The following FPGS variants were observed in gnomAD, a reference collection of about 807,000 sequenced individuals.
FPGS encodes folylpolyglutamate synthase.
FPGS carries 53 observed loss-of-function variants against 66.5 expected under a neutral mutation model. The observed-to-expected ratio is 0.80, with a 90% CI of 0.64 to 1.00. The LOEUF (loss-of-function observed/expected upper bound fraction) is 1.00, where lower values mean the gene tolerates loss of function less well. FPGS is among the 50% of genes least tolerant of loss of function. FPGS has a pLI of 0.00. For synonymous variants in FPGS, 348 were observed against 350.9 expected (o/e 0.99, Z 0.09); for missense variants, 702 against 807.7 (o/e 0.87, Z 1.59).
intron 4 of FPGS, 38 bp from the exon 5 acceptor site, chr9:127,806,935 C>G (rs772592487): frequency 1.3e-6 from 2 of 1,522,300 alleles, no homozygotes; most frequent in Non-Finnish European, 1.8e-6. Context: ...CCAGGACGCT[C>G]GGGAAGGGAG....
chr9:127,809,795 G>T lies in FPGS; in HGVS notation c.1172G>T (p.Trp391Leu). ...TASSAQACVR[W>L]FRQALQGRER... ...AGCAGCGCGCAGGCCTGCGTGCGCT[G>T]GTTCCGCCAGGCGCTGCAGGGCCGC... Residue 391 changes from tryptophan (W) to leucine (L), a missense_variant, in exon 12 of 15, where the codon TGG (tryptophan) becomes TTG (leucine). Transcript: ENST00000373247. 1 of 1,525,560 alleles carries T rather than the reference G, an allele frequency of 6.6e-7. No individual in the cohort carries two copies. The highest frequency in any genetic ancestry group is 8.7e-7 in the Non-Finnish European group (1 of 1,149,196). The allele number at this position is 1,525,560 out of a possible 1,614,324, so 94.5% of individuals were successfully genotyped here.
At chr9:127,809,351 C>T (rs1829962831) in intron 11 of FPGS, among the ~76,000 whole-genome samples, 1 of 152,150 alleles carries the variant, frequency 6.6e-6, no homozygotes, top group South Asian at 2.1e-4. Context: ...AAATGGTGGG[C>T]CCGCTGTGTG....
rs1829749080 is a variant in FPGS at position 127,804,887 on chromosome 9, T to G, written c.386+187T>G. 4 of 603,172 alleles carry G rather than the reference T, an allele frequency of 6.6e-6. No homozygotes were observed. In the South Asian group the frequency reaches 8.0e-5, roughly 12 times the overall value. The allele number at this position is 603,172 out of a possible 1,614,324, so 37.4% of individuals were successfully genotyped here. A position where few individuals can be genotyped will look rare whatever the true frequency, so the allele number is the denominator to read the frequency against. Reference sequence around the variant, plus strand: ...TATTGGCCCATGTTTATGGCAACCTTTAATTTTTTTTTTTTTTTTGAGACT... The same window carrying G: ...TATTGGCCCATGTTTATGGCAACCTGTAATTTTTTTTTTTTTTTTGAGACT... On this transcript the variant is annotated intron_variant, in intron 4 of 14. Transcript: ENST00000373247.
At chr9:127,804,470 G>A in intron 2 of FPGS, 29 bp from the exon 3 acceptor site, 2 of 1,613,974 alleles carry the variant, frequency 1.2e-6, no homozygotes, top group Non-Finnish European at 1.7e-6. Context: ...TCCCGTAGCT[G>A]AGGCAGGGAC....
chr9:127,803,207 C>G, intron 1 of FPGS, 145 bp downstream of exon 1: 3 of 1,116,654 alleles, frequency 2.7e-6, no homozygotes, highest in Non-Finnish European at 2.2e-6. Flanking sequence ...ATCCTGGAGG[C>G]TGGGGGTGGG....
rs1465179418 is a variant in FPGS, at chr9:127,803,059, C to G, written c.135C>G (p.Tyr45Ter). 7.1e-7 allele frequency: 1 copy of G among 1,410,042 alleles called. No individual in the cohort carries two copies. The highest frequency in any genetic ancestry group is 9.2e-7 in the Non-Finnish European group (1 of 1,088,804). 87.3% of individuals were successfully genotyped at this position (1,410,042 alleles called of 1,614,324 possible). A position where few individuals can be genotyped will look rare whatever the true frequency, so the allele number is the denominator to read the frequency against. The change falls in exon 1 of 15, where the codon TAC becomes TAG. Residue 45 changes from tyrosine (Y) to a stop codon, truncating the protein, a stop_gained. Transcript: ENST00000373247. LOFTEE classifies it high-confidence loss of function. ...TGCCGCAGGAGCCGAGCATGGAGTACCAGGTATCAGGCGGGCCAGCGGGCC... is the reference window on the plus strand; with the variant it reads ...TGCCGCAGGAGCCGAGCATGGAGTAGCAGGTATCAGGCGGGCCAGCGGGCC... ...WPVPQEPSME[Y>*]QDAVRMLNTL...
intron 11 of FPGS, among the ~76,000 whole-genome samples, chr9:127,809,332 C>A (rs1829962318): frequency 6.6e-6 from 1 of 152,160 alleles, no homozygotes; most frequent in Admixed American, 6.5e-5. Flanking sequence ...GCTGTTAAGC[C>A]CCTTCAGCAA....
chr9:127,809,903 GGGGCGGGGTCGTGGGGAA>G, intron 12 of FPGS, 69 bp downstream of exon 12: 1 of 1,010,816 alleles, frequency 9.9e-7, no homozygotes, highest in South Asian at 1.4e-5. Context: ...GGGGAAGGGC[GGGGCGGGGTCGTGGGGAA>G]GGGCGGGGGC....
At chr9:127,809,637 C>CG in intron 11 of FPGS, 47 bp from the exon 12 acceptor site, 3 of 1,532,300 alleles carry the variant, frequency 2.0e-6, no homozygotes, top group Non-Finnish European at 2.6e-6. Flanking sequence ...GAATTGAGGA[C>CG]GGGGGTGGGA....
intron 1 of FPGS, 82 bp from the exon 2 acceptor site, chr9:127,804,203 T>C: frequency 6.4e-7 from 1 of 1,553,108 alleles, no homozygotes; most frequent in Non-Finnish European, 8.7e-7. Flanking sequence ...TGCCCTGGCT[T>C]GGCCACTGGT....
rs1321598323 is a variant in FPGS at position 127,808,554 on chromosome 9, C to T, written c.823-4C>T. On this transcript the variant is annotated splice_polypyrimidine_tract_variant and splice_region_variant and intron_variant, in intron 9 of 14. Coordinates refer to ENST00000373247, the MANE Select transcript of FPGS (RefSeq NM_004957.6). The stretch of plus-strand genomic sequence containing the variant: ...GCTGACCCGCTCCTGCCTGTCTCCC[C>T]TAGTGTCCTCTATACCTGTGTCCGA... 1.2e-6 allele frequency: 2 copies of T among 1,612,472 alleles called. No homozygotes were observed. Among genetic ancestry groups the T allele is most frequent in the Non-Finnish European group, 1.7e-6 (2 of 1,179,832 alleles).
At position 127,809,801 on chromosome 9, in the gene FPGS, G is replaced by A; in HGVS notation, c.1178G>A (p.Arg393His). 1.3e-6 allele frequency: 2 copies of A among 1,501,204 alleles called. No homozygotes were observed. The highest frequency in any genetic ancestry group is 8.8e-7 in the Non-Finnish European group (1 of 1,135,432). 93.0% of individuals were successfully genotyped at this position (1,501,204 alleles called of 1,614,324 possible). ...GCGCAGGCCTGCGTGCGCTGGTTCC[G>A]CCAGGCGCTGCAGGGCCGCGAGAGG... ...SSAQACVRWF[R>H]QALQGRERPS... is the part of the protein sequence containing the mutation. The change falls in exon 12 of 15, where the codon CGC (arginine) becomes CAC (histidine). Residue 393 changes from arginine (R) to histidine (H), a missense_variant. Coordinates refer to ENST00000373247, the MANE Select transcript of FPGS (RefSeq NM_004957.6).
At position 127,808,697 on chromosome 9, in the gene FPGS, A is replaced by G. The variant is rs1425788468; in HGVS notation, c.962A>G (p.Asp321Gly). 1.3e-6 allele frequency: 2 copies of G among 1,586,226 alleles called. No homozygotes were observed. The highest frequency in any genetic ancestry group is 8.6e-7 in the Non-Finnish European group (1 of 1,166,928). The change falls in exon 10 of 15, where the codon GAC becomes GGC. Residue 321 changes from aspartate (D) to glycine (G), a missense_variant. Transcript: ENST00000373247. ...QLAHCWLQRQDRHGAGEPKAS... is the reference protein window; with the variant it reads ...QLAHCWLQRQGRHGAGEPKAS... ...GCCCACTGCTGGCTGCAGCGGCAGG[A>G]CCGCCATGGTGAGTGGGCAGCTGAG...
intron 11 of FPGS, 93 bp from the exon 12 acceptor site, chr9:127,809,591 C>T: frequency 7.7e-7 from 1 of 1,296,062 alleles, no homozygotes; most frequent in Non-Finnish European, 1.0e-6. Flanking sequence ...GCGGGCGCAG[C>T]CTGCAGGGGA....
At position 127,814,076 on chromosome 9, in the gene FPGS, G is replaced by C. The variant is rs965077527; in HGVS notation, c.*472G>C. 1.0e-6 allele frequency: 1 copy of C among 988,412 alleles called. No individual in the cohort carries two copies. The highest frequency in any genetic ancestry group is 6.1e-5 in the Admixed American group (1 of 16,324). The allele number at this position is 988,412 out of a possible 1,614,324, so 61.2% of individuals were successfully genotyped here. On this transcript the variant is annotated 3_prime_UTR_variant, in exon 15 of 15. Coordinates refer to ENST00000373247, the MANE Select transcript of FPGS (RefSeq NM_004957.6). ...TTTTTAAAGAAATGGCAAAGCCTTCGACTGACCCTTGACCCCCTGCTCCCT... is the reference window on the plus strand; with the variant it reads ...TTTTTAAAGAAATGGCAAAGCCTTCCACTGACCCTTGACCCCCTGCTCCCT...
rs370089751 is a variant in FPGS, at chr9:127,813,614, G to A, written c.*10G>A. ...CGCACTGTCCCAGTAGCCAAGGCCC[G>A]GGGTTGGAGGTGGGAGCTTCCCACA... is the stretch of plus-strand genomic sequence containing the variant. On this transcript the variant is annotated 3_prime_UTR_variant, in exon 15 of 15. Coordinates refer to ENST00000373247, the MANE Select transcript of FPGS (RefSeq NM_004957.6). 1.3e-4 allele frequency: 198 copies of A among 1,505,880 alleles called. No homozygotes were observed. The African/African-American group carries it at 2.2e-3, about 17-fold the overall frequency. 93.3% of individuals were successfully genotyped at this position (1,505,880 alleles called of 1,614,324 possible). A position where few individuals can be genotyped will look rare whatever the true frequency, so the allele number is the denominator to read the frequency against.
At chr9:127,812,454 G>A (rs576397514) in intron 14 of FPGS, among the ~76,000 whole-genome samples, 18 of 151,150 alleles carry the variant, frequency 1.2e-4, no homozygotes, top group African/African-American at 3.4e-4. Context: ...CCTCAGCCTC[G>A]TGAGTAGCCG....
Position 127,806,971 on chromosome 9 carries a change from A to G in FPGS, c.387-2A>G. 1.9e-6 allele frequency: 3 copies of G among 1,612,792 alleles called. No homozygotes were observed. Among genetic ancestry groups the G allele is most frequent in the Non-Finnish European group, 2.5e-6 (3 of 1,179,004 alleles). ...TCCTGATGACCCCAGCTGTCCCGGC[A>G]GCTCTCCCCACCTGGTGCAGGTTCG... On this transcript the variant is annotated splice_acceptor_variant, in intron 4 of 14. Transcript: ENST00000373247. LOFTEE classifies it high-confidence loss of function.
Position 127,813,445 on chromosome 9 carries a change from C to T in FPGS, c.1605C>T (p.Phe535=), listed in dbSNP as rs1830176036. ...TCAGCCAAGGCCGAGACCCCATCTT[C>T]CAGCCACCTAGTCCCCCAAAGGGCC... The part of the protein sequence containing the change: ...QWISQGRDPI[F]QPPSPPKGLL... Residue 535 remains phenylalanine, a synonymous_variant, in exon 15 of 15, where the codon TTC becomes TTT. Coordinates refer to ENST00000373247, the MANE Select transcript of FPGS (RefSeq NM_004957.6). 6.2e-7 allele frequency: 1 copy of T among 1,611,848 alleles called. No individual in the cohort carries two copies. Among genetic ancestry groups the T allele is most frequent in the East Asian group, 2.2e-5 (1 of 44,844 alleles).
Sources: allele counts gnomAD v4.1 joint callset (sites outside exome capture counted in the v4.1 genomes callset), GRCh38; gene constraint gnomAD v4.1.1; transcripts MANE v1.5; gene names NCBI Gene and HGNC (gene_info 2026-07-23, HGNC 2026-07-21).